The following RGS6 variants were observed in gnomAD, a reference collection of about 807,000 sequenced individuals.
RGS6 encodes regulator of G-protein signaling 6.
A neutral mutation model predicts 78.5 loss-of-function variants in RGS6; 30 were observed. The observed-to-expected ratio is 0.38, with a 90% confidence interval of 0.29 to 0.52. The LOEUF is 0.52. Among genes scored for constraint, RGS6 ranks in the 20% least tolerant of loss-of-function variants. RGS6 has a pLI of 0.85. For missense variants in RGS6, 495 were observed against 609.7 expected (o/e 0.81, Z 1.98); for synonymous variants, 206 against 206.0 (o/e 1.00, Z 0.00).
chr14:72,520,759 C>G (rs757170580), intron 15 of RGS6, among the ~76,000 whole-genome samples: 3 of 152,206 alleles, frequency 2.0e-5, no homozygotes, highest in Non-Finnish European at 4.4e-5. Context: ...TTTGTAAACT[C>G]ATGAGTTTAA....
intron 2 of RGS6, among the ~76,000 whole-genome samples, chr14:72,040,121 TA>T (rs1473702122): frequency 6.6e-6 from 1 of 152,164 alleles, no homozygotes; most frequent in Admixed American, 6.6e-5. Flanking sequence ...AGTTATTTTT[TA>T]AGCTTTTATC....
intron 2 of RGS6, among the ~76,000 whole-genome samples, chr14:72,054,781 C>G (rs2153422724): frequency 6.6e-6 from 1 of 152,312 alleles, no homozygotes; most frequent in South Asian, 2.1e-4. Context: ...TTATCATTCT[C>G]TTGCTTCACC....
intron 1 of RGS6, among the ~76,000 whole-genome samples, chr14:71,951,271 C>G (rs182350754): frequency 6.6e-6 from 1 of 151,962 alleles, no homozygotes; most frequent in Non-Finnish European, 1.5e-5. Context: ...GTGGATGGAG[C>G]GGAAATCCAT....
chr14:72,310,751 A>G (rs1473915391), intron 2 of RGS6, among the ~76,000 whole-genome samples: 1 of 152,076 alleles, frequency 6.6e-6, no homozygotes, highest in Non-Finnish European at 1.5e-5. Context: ...AGCTCCTTCC[A>G]CCACCAGCCT....
At chr14:72,471,504 G>A (rs181685824) in intron 8 of RGS6, among the ~76,000 whole-genome samples, 46 of 152,352 alleles carry the variant, frequency 3.0e-4, no homozygotes, top group African/African-American at 9.9e-4. Context: ...GTGAGCAGCC[G>A]CTGAGTCTTC....
intron 3 of RGS6, among the ~76,000 whole-genome samples, chr14:72,382,333 T>A (rs1192425267): frequency 1.3e-5 from 2 of 152,134 alleles, no homozygotes; most frequent in Admixed American, 6.5e-5. Context: ...CCAATAAGCA[T>A]ACAACAGTTG....
chr14:72,054,647 A>C (rs190159372), intron 2 of RGS6, among the ~76,000 whole-genome samples: 1 of 152,320 alleles, frequency 6.6e-6, no homozygotes, highest in East Asian at 1.9e-4. Context: ...CTGTGAGTGC[A>C]ATGCCTAATC....
At chr14:72,457,650 T>A (rs1045258027) in intron 4 of RGS6, among the ~76,000 whole-genome samples, 1 of 152,212 alleles carries the variant, frequency 6.6e-6, no homozygotes, top group Admixed American at 6.5e-5. Flanking sequence ...ACAGATTGAC[T>A]GTGGCAAAAA....
chr14:72,152,019 T>C (rs2096697172), intron 2 of RGS6, among the ~76,000 whole-genome samples: 1 of 152,186 alleles, frequency 6.6e-6, no homozygotes, highest in South Asian at 2.1e-4. Flanking sequence ...GGTTGACTGC[T>C]TAGTTTCCTC....
At position 71,995,555 on chromosome 14, in the gene RGS6, G is replaced by T. The variant is rs148894505; in HGVS notation, c.84+30680G>T. 6.1e-4 allele frequency among the ~76,000 whole-genome samples: 93 copies of T among 152,284 alleles called. No individual in the cohort carries two copies. In the Middle Eastern group the frequency reaches 0.01, roughly 17 times the overall value. ...CATGGGAAGTTTCCTTGATCTCCCT[G>T]TGCTTCCGTTTCCCAGTCTGTAAAT... On this transcript the variant is annotated intron_variant, in intron 2 of 17. Coordinates refer to ENST00000553525, the MANE Select transcript of RGS6 (RefSeq NM_001204424.2).
intron 2 of RGS6, among the ~76,000 whole-genome samples, chr14:72,167,244 G>A (rs1265723469): frequency 6.6e-6 from 1 of 152,196 alleles, no homozygotes; most frequent in African/African-American, 2.4e-5. Context: ...AGCTGACTGT[G>A]GGCCAGAGAT....
chr14:72,328,482 G>C (rs2074285613), intron 2 of RGS6, among the ~76,000 whole-genome samples: 2 of 152,160 alleles, frequency 1.3e-5, no homozygotes, highest in Non-Finnish European at 2.9e-5. Context: ...CAAATTAATA[G>C]GGAGATGAAA....
chr14:71,936,030 A>ATATATATATATATATATATATATG (rs1555390437), intron 1 of RGS6, among the ~76,000 whole-genome samples: 17 of 133,208 alleles, frequency 1.3e-4, no homozygotes, highest in African/African-American at 4.5e-4. Flanking sequence ...ATATATATAT[A>ATATATATATATATATATATATATG]TATATATATA....
At chr14:72,426,706 A>G (rs748492651) in intron 3 of RGS6, among the ~76,000 whole-genome samples, 7 of 152,224 alleles carry the variant, frequency 4.6e-5, no homozygotes, top group Non-Finnish European at 8.8e-5. Flanking sequence ...CTAAAGTTTT[A>G]TGATTTGATG....
chr14:72,424,972 G>C, intron 3 of RGS6, among the ~76,000 whole-genome samples: 1 of 152,348 alleles, frequency 6.6e-6, no homozygotes, highest in Non-Finnish European at 1.5e-5. Context: ...ACAGTGCTGA[G>C]AACGGTGCCT....
At chr14:71,914,943 A>G in the RGS6 span, among the ~76,000 whole-genome samples, 1 of 152,070 alleles carries the variant, frequency 6.6e-6, no homozygotes, top group African/African-American at 2.4e-5. Context: ...TGTGACGTTC[A>G]TCTGGAGAAG....
chr14:72,342,725 C>CAAAAA (rs58717636), intron 2 of RGS6, among the ~76,000 whole-genome samples: 1 of 71,412 alleles, frequency 1.4e-5, no homozygotes, highest in African/African-American at 5.9e-5. Context: ...GGCTTTGTCT[C>CAAAAA]AAAAAAAAAA....
At chr14:72,562,330 C>A in intron 17 of RGS6, 87 bp from the exon 18 acceptor site, 1 of 1,378,780 alleles carries the variant, frequency 7.3e-7, no homozygotes, top group Non-Finnish European at 1.0e-6. Flanking sequence ...ATGGCTCATG[C>A]AACAATTAAT....
intron 2 of RGS6, among the ~76,000 whole-genome samples, chr14:72,069,778 A>AT (rs1291715483): frequency 2.0e-5 from 3 of 151,998 alleles, no homozygotes; most frequent in Non-Finnish European, 4.4e-5. Flanking sequence ...GGGCTCCAGC[A>AT]ATCTGCCCGC....
Sources: allele counts gnomAD v4.1 joint callset (sites outside exome capture counted in the v4.1 genomes callset), GRCh38; gene constraint gnomAD v4.1.1; transcripts MANE v1.5; gene names NCBI Gene and HGNC (gene_info 2026-07-23, HGNC 2026-07-21).